BPIFA2: variants seen among roughly 807,000 people sequenced by gnomAD.
The protein encoded by BPIFA2 is BPI fold-containing family A member 2.
Under a neutral mutation model 25.7 loss-of-function variants are expected in BPIFA2, and 20 were observed. That is an observed-to-expected ratio of 0.78 (90% CI 0.55 to 1.13). The LOEUF (loss-of-function observed/expected upper bound fraction) is 1.13. Ranked by LOEUF, BPIFA2 falls within the 50% of genes most tolerant of loss-of-function variation. BPIFA2 has a pLI of 0.00. For synonymous variants in BPIFA2, 126 were observed against 124.3 expected (o/e 1.01, Z -0.09); for missense variants, 300 against 298.1 (o/e 1.01, Z -0.05).
At chr20:33,163,515 G>A (rs577265947), upstream of BPIFA2, among the ~76,000 whole-genome samples, 179 of 152,098 alleles carry the variant, frequency 1.2e-3, no homozygotes, top group Non-Finnish European at 2.2e-3. Flanking sequence ...GGAGGATTCC[G>A]ACTGTTAGAA....
Position 33,174,178 on chromosome 20 carries a change from T to C in BPIFA2, c.402T>C (p.Thr134=), listed in dbSNP as rs764574585. 2.0e-5 allele frequency: 33 copies of C among 1,613,888 alleles called. No individual in the cohort carries two copies. Among genetic ancestry groups the C allele is most frequent in the Non-Finnish European group, 2.7e-5 (32 of 1,179,890 alleles). The change falls in exon 4 of 9, where the codon ACT becomes ACC. Residue 134 remains threonine, a synonymous_variant. Coordinates refer to ENST00000354932, the MANE Select transcript of BPIFA2 (RefSeq NM_080574.4). ...NLSFPVTANV[T]VAGPIIGQII... Reference sequence around the variant, plus strand: ...GCTTCCCTGTCACCGCGAATGTCACTGTGGCCGGGTGAGTATGCACTAGAA... The same window carrying C: ...GCTTCCCTGTCACCGCGAATGTCACCGTGGCCGGGTGAGTATGCACTAGAA...
upstream of BPIFA2, among the ~76,000 whole-genome samples, chr20:33,163,332 A>C (rs1983631571): frequency 6.6e-6 from 1 of 152,262 alleles, no homozygotes; most frequent in African/African-American, 2.4e-5. Flanking sequence ...GAGGACACAC[A>C]GATGGCAGAA....
chr20:33,164,560 TC>T (rs1983668985), upstream of BPIFA2, among the ~76,000 whole-genome samples: 2 of 125,388 alleles, frequency 1.6e-5, no homozygotes, highest in Admixed American at 7.2e-5. Flanking sequence ...CCCCTCTCTC[TC>T]TTTCTTTCTT....
chr20:33,169,175 G>A lies in BPIFA2; in HGVS notation c.30G>A (p.Leu10=). 6.2e-7 allele frequency: 1 copy of A among 1,614,170 alleles called. No homozygotes were observed. The highest frequency in any genetic ancestry group is 8.5e-7 in the Non-Finnish European group (1 of 1,179,996). The change falls in exon 2 of 9, where the codon CTG becomes CTA. Residue 10 remains leucine, a synonymous_variant. Transcript: ENST00000354932. ...TTCAGCTTTGGAAACTTGTTCTCCTGTGCGGCGTGCTCACTGGGACCTCAG... is the reference window on the plus strand; with the variant it reads ...TTCAGCTTTGGAAACTTGTTCTCCTATGCGGCGTGCTCACTGGGACCTCAG... MLQLWKLVL[L]CGVLTGTSES...
At chr20:33,176,458 C>G (rs1984080178) in intron 5 of BPIFA2, among the ~76,000 whole-genome samples, 1 of 152,228 alleles carries the variant, frequency 6.6e-6, no homozygotes, top group Admixed American at 6.5e-5. Flanking sequence ...GGACACTCCA[C>G]TCGCCCTGCA....
At position 33,172,937 on chromosome 20, in the gene BPIFA2, C is replaced by A; in HGVS notation, c.163C>A (p.Leu55Ile). Residue 55 changes from leucine to isoleucine, a missense_variant, in exon 3 of 9, where the codon CTT becomes ATT. Leu to Ile is a conservative substitution (Grantham distance 5). Coordinates refer to ENST00000354932, the MANE Select transcript of BPIFA2 (RefSeq NM_080574.4). ...ETVDNTLKGILEKLKVDLGVL... is the reference protein window; with the variant it reads ...ETVDNTLKGIIEKLKVDLGVL... ...ATGGCGATTGTTTTTGGCAGGCATC[C>A]TTGAGAAACTGAAGGTCGACCTAGG... 1 of 1,611,974 alleles carries A rather than the reference C, an allele frequency of 6.2e-7. No homozygotes were observed. The highest frequency in any genetic ancestry group is 8.5e-7 in the Non-Finnish European group (1 of 1,179,230).
upstream of BPIFA2, among the ~76,000 whole-genome samples, chr20:33,164,122 A>G (rs1216050199): frequency 1.3e-5 from 2 of 152,194 alleles, no homozygotes; most frequent in Non-Finnish European, 2.9e-5. Context: ...TGACCCCATC[A>G]CAGGGCTTGG....
upstream of BPIFA2, among the ~76,000 whole-genome samples, chr20:33,163,219 C>T (rs532257187): frequency 1.3e-5 from 2 of 152,308 alleles, no homozygotes; most frequent in East Asian, 3.9e-4. Flanking sequence ...TGGGTCTCAT[C>T]TACATTCATC....
chr20:33,180,794 T>G (rs1371585236), intron 8 of BPIFA2, among the ~76,000 whole-genome samples, 197 bp downstream of exon 8: 1 of 152,234 alleles, frequency 6.6e-6, no homozygotes, highest in East Asian at 1.9e-4. Flanking sequence ...ACTCTGATTC[T>G]GGCCCCAGAC....
chr20:33,176,860 A>G (rs987757343), intron 5 of BPIFA2, among the ~76,000 whole-genome samples: 43 of 152,188 alleles, frequency 2.8e-4, no homozygotes, highest in African/African-American at 9.4e-4. Flanking sequence ...TTCCCAGCTT[A>G]AGACCTTTGC....
chr20:33,176,717 G>A lies in BPIFA2; in HGVS notation c.563+1158G>A, dbSNP rs6141369. On this transcript the variant is annotated intron_variant, in intron 5 of 8. Transcript: ENST00000354932. Reference sequence around the variant, plus strand: ...CTTTGCACTTGTGGTTCAATCCCAAGTGCTCCCCATGGTCATGAAGGCTCT... The same window carrying A: ...CTTTGCACTTGTGGTTCAATCCCAAATGCTCCCCATGGTCATGAAGGCTCT... Among the ~76,000 whole-genome samples the A allele has an allele frequency of 8.5e-5, 13 of 152,260 alleles. No homozygotes were observed. The East Asian group carries it at 2.5e-3, about 29-fold the overall frequency.
chr20:33,180,454 G>T, intron 7 of BPIFA2, 66 bp from the exon 8 acceptor site: 1 of 1,537,094 alleles, frequency 6.5e-7, no homozygotes, highest in Non-Finnish European at 9.0e-7. Context: ...GGCATCTTTT[G>T]GAGTCTGGTC....
At chr20:33,173,189 A>G in intron 3 of BPIFA2, 113 bp downstream of exon 3, 3 of 1,335,598 alleles carry the variant, frequency 2.2e-6, no homozygotes, top group Non-Finnish European at 3.1e-6. Context: ...CCCCTCCCAC[A>G]GAGCCAAGGT....
At chr20:33,175,137 T>C (rs1441164243) in intron 4 of BPIFA2, among the ~76,000 whole-genome samples, 1 of 152,198 alleles carries the variant, frequency 6.6e-6, no homozygotes, top group Non-Finnish European at 1.5e-5. Flanking sequence ...ACATAAATTG[T>C]TGTCAATAAA....
intron 3 of BPIFA2, among the ~76,000 whole-genome samples, chr20:33,173,279 T>C (rs577974757): frequency 6.6e-6 from 1 of 152,278 alleles, no homozygotes; most frequent in African/African-American, 2.4e-5. Context: ...ATCTTATGGG[T>C]TCGGGCTTCC....
chr20:33,174,308 CTGTG>C, intron 4 of BPIFA2, 122 bp downstream of exon 4: 2 of 811,214 alleles, frequency 2.5e-6, no homozygotes, highest in Admixed American at 3.9e-5. Context: ...GTTTCCCAAT[CTGTG>C]AGTGAGAGAA....
Position 33,178,228 on chromosome 20 carries a change from G to A in BPIFA2, c.645G>A (p.Glu215=), listed in dbSNP as rs369127446. The A allele has an allele frequency of 6.3e-6, 10 of 1,586,564 alleles. No individual in the cohort carries two copies. Among genetic ancestry groups the A allele is most frequent in the Non-Finnish European group, 7.8e-6 (9 of 1,157,484 alleles). ...KSTVSSLLQK[E]ICPLIRIFIH... ...CTGTATCCTCCCTGCTGCAGAAGGA[G>A]GTGAGTCTCCCACTCCTTGGAGCCC... Residue 215 remains glutamate, a splice_region_variant and synonymous_variant, in exon 6 of 9, where the codon GAG becomes GAA. Coordinates refer to ENST00000354932, the MANE Select transcript of BPIFA2 (RefSeq NM_080574.4).
At chr20:33,169,990 C>T (rs1983846590) in intron 2 of BPIFA2, among the ~76,000 whole-genome samples, 1 of 152,120 alleles carries the variant, frequency 6.6e-6, no homozygotes, top group African/African-American at 2.4e-5. Context: ...GAAACATTAG[C>T]AGCACATCAA....
In BPIFA2 at chr20:33,176,452, A is replaced by G. The variant is rs529493897; in HGVS notation, c.563+893A>G. On this transcript the variant is annotated intron_variant, in intron 5 of 8. Coordinates refer to ENST00000354932, the MANE Select transcript of BPIFA2 (RefSeq NM_080574.4). ...GCCCCTGTGGCCATGAGCAGAGGACACTCCACTCGCCCTGCACTGAGGGAT... is the reference window on the plus strand; with the variant it reads ...GCCCCTGTGGCCATGAGCAGAGGACGCTCCACTCGCCCTGCACTGAGGGAT... 3.3e-5 allele frequency among the ~76,000 whole-genome samples: 5 copies of G among 152,158 alleles called. No homozygotes were observed. In the East Asian group the frequency reaches 9.7e-4, roughly 29 times the overall value.
Sources: allele counts gnomAD v4.1 joint callset (sites outside exome capture counted in the v4.1 genomes callset), GRCh38; gene constraint gnomAD v4.1.1; transcripts MANE v1.5; gene names NCBI Gene and HGNC (gene_info 2026-07-23, HGNC 2026-07-21).